Variants in HDAC9 observed in about 807,000 individuals in gnomAD.
The protein encoded by HDAC9 is histone deacetylase 9.
In HDAC9, 41 loss-of-function variants were observed where a neutral mutation model predicts 139.4. The ratio of observed to expected loss-of-function variants is 0.29; its 90% confidence interval spans 0.23 to 0.38. The LOEUF is 0.38. Ranked by LOEUF, HDAC9 falls within the 10% of genes least tolerant of loss-of-function variation. HDAC9 has a pLI of 1.00. For synonymous variants in HDAC9, 517 were observed against 476.2 expected (o/e 1.09, Z -1.12); for missense variants, 1,147 against 1,297.0 (o/e 0.88, Z 1.78).
At chr7:18,967,509 A>ACCCC (rs1563092948) in intron 24 of HDAC9, among the ~76,000 whole-genome samples, 68 of 130,982 alleles carry the variant, frequency 5.2e-4, no homozygotes, top group African/African-American at 1.6e-3. Context: ...CCCCCCCCAA[A>ACCCC]AAAAAAAAAG....
chr7:18,814,845 A>G (rs976717351), intron 17 of HDAC9, among the ~76,000 whole-genome samples: 8 of 152,226 alleles, frequency 5.3e-5, no homozygotes, highest in African/African-American at 1.7e-4. Flanking sequence ...AACTAAAATC[A>G]TCTATCCAAA....
At position 18,411,724 on chromosome 7, in the gene HDAC9, G is replaced by A. The variant is rs189040909; in HGVS notation, c.-41-84538G>A. Among the ~76,000 whole-genome samples the A allele has an allele frequency of 2.4e-3, 370 of 151,630 alleles. 1 individual carries two copies. The highest frequency in any genetic ancestry group is 8.5e-3 in the African/African-American group (351 of 41,344). ...GTTAGATGATTTTGCCCAAATGTAG[G>A]CTAATGTAAGTTTTCTGAAGAAATT... On this transcript the variant is annotated intron_variant, in intron 1 of 3. Coordinates refer to the HDAC9 transcript ENST00000413509.
intron 14 of HDAC9, among the ~76,000 whole-genome samples, chr7:18,758,167 C>T (rs1452589966): frequency 2.0e-5 from 3 of 152,142 alleles, no homozygotes. Context: ...GTTGGTAAGG[C>T]ATTTAAGACC....
chr7:18,734,671 G>T (rs1786721890), intron 13 of HDAC9, among the ~76,000 whole-genome samples: 1 of 152,136 alleles, frequency 6.6e-6, no homozygotes, highest in Non-Finnish European at 1.5e-5. Context: ...GGTCTTTCCT[G>T]TTGTGAATAG....
At chr7:18,712,584 ATAT>A (rs924165581) in intron 12 of HDAC9, among the ~76,000 whole-genome samples, 9 of 152,244 alleles carry the variant, frequency 5.9e-5, no homozygotes, top group African/African-American at 1.9e-4. Flanking sequence ...TTGTGAACAA[ATAT>A]TATGATGATG....
At chr7:18,857,714 A>G (rs1797795302) in intron 21 of HDAC9, among the ~76,000 whole-genome samples, 1 of 152,134 alleles carries the variant, frequency 6.6e-6, no homozygotes, top group African/African-American at 2.4e-5. Flanking sequence ...GAAATCTAGC[A>G]CTTGGCACCT....
At chr7:18,469,604 C>T (rs948968602) in intron 1 of HDAC9, among the ~76,000 whole-genome samples, 6 of 152,110 alleles carry the variant, frequency 3.9e-5, no homozygotes, top group South Asian at 4.1e-4. Context: ...GGGAGCAATT[C>T]ACAAAGTTCC....
rs374857860 is a variant in HDAC9 at position 18,795,436 on chromosome 7, TGGC to T, written c.2322+1985_2322+1987del. On this transcript the variant is annotated intron_variant, in intron 17 of 25. Coordinates refer to ENST00000686413, the MANE Select transcript of HDAC9 (RefSeq NM_178425.4). ...AATTGATAATATTGAAGGTCATCCA[TGGC>T]ACTGGCATTTTGAGCTATTTGCAAA... 3.7e-3 allele frequency among the ~76,000 whole-genome samples: 559 copies of T among 152,236 alleles called. 5 individuals carry two copies. Among genetic ancestry groups the T allele is most frequent in the African/African-American group, 0.013 (536 of 41,542 alleles).
intron 25 of HDAC9, among the ~76,000 whole-genome samples, chr7:18,994,779 C>T (rs1381706203): frequency 2.3e-4 from 35 of 152,090 alleles, no homozygotes; most frequent in Non-Finnish European, 2.9e-5. Context: ...TGTAAAATAA[C>T]ATGGCCAAAC....
At chr7:18,629,323 T>C in intron 6 of HDAC9, 27 bp from the exon 7 acceptor site, 1 of 240,046 alleles carries the variant, frequency 4.2e-6, no homozygotes, top group Non-Finnish European at 6.0e-6. Context: ...TTTTTATCTA[T>C]TTTTTTTTTT....
chr7:18,679,683 T>C (rs1006005722), intron 12 of HDAC9, among the ~76,000 whole-genome samples: 1 of 151,850 alleles, frequency 6.6e-6, no homozygotes, highest in Non-Finnish European at 1.5e-5. Context: ...TTAATTCAGT[T>C]ACTCTTTAAT....
intron 1 of HDAC9, among the ~76,000 whole-genome samples, chr7:18,427,548 G>C (rs1358847830): frequency 6.6e-6 from 1 of 151,446 alleles, no homozygotes; most frequent in Non-Finnish European, 1.5e-5. Context: ...AATCCTATCT[G>C]CTCCACCTCT....
At chr7:18,856,079 A>G (rs934473275) in intron 21 of HDAC9, among the ~76,000 whole-genome samples, 1 of 152,064 alleles carries the variant, frequency 6.6e-6, no homozygotes, top group African/African-American at 2.4e-5. Flanking sequence ...TGGAGCAGAG[A>G]TTTAGTCATG....
Position 18,512,499 on chromosome 7 carries a change from C to CTA in HDAC9, c.22+16177_22+16178dup, listed in dbSNP as rs1366519869. Among the ~76,000 whole-genome samples the CTA allele has an allele frequency of 2.6e-5, 4 of 152,112 alleles. No individual in the cohort carries two copies. The East Asian group carries it at 7.7e-4, about 29-fold the overall frequency. On this transcript the variant is annotated intron_variant, in intron 2 of 25. Coordinates refer to ENST00000686413, the MANE Select transcript of HDAC9 (RefSeq NM_178425.4). Reference sequence around the variant, plus strand: ...AAAACTTGATCAGATTTGAGCGATGCTATGCTCAGGAATAGGAAGACTACA... The same window carrying CTA: ...AAAACTTGATCAGATTTGAGCGATGCTATATGCTCAGGAATAGGAAGACTACA...
intron 13 of HDAC9, among the ~76,000 whole-genome samples, chr7:18,737,067 G>A (rs1025107605): frequency 1.3e-5 from 2 of 152,146 alleles, no homozygotes; most frequent in Non-Finnish European, 2.9e-5. Flanking sequence ...ATTTCTGTGG[G>A]ATTGGTGGTG....
chr7:18,210,351 A>G (rs1349592410), intron 2 of HDAC9, among the ~76,000 whole-genome samples: 1 of 152,226 alleles, frequency 6.6e-6, no homozygotes, highest in Non-Finnish European at 1.5e-5. Context: ...GGCTTTGGAA[A>G]TTTAACACTT....
intron 2 of HDAC9, among the ~76,000 whole-genome samples, chr7:18,524,446 A>G (rs1460580557): frequency 6.6e-6 from 1 of 152,048 alleles, no homozygotes; most frequent in African/African-American, 2.4e-5. Context: ...TGTAGTTGAG[A>G]GGGGTGCTCA....
chr7:18,202,906 T>G (rs1271310158), intron 2 of HDAC9, among the ~76,000 whole-genome samples: 1 of 152,204 alleles, frequency 6.6e-6, no homozygotes, highest in African/African-American at 2.4e-5. Flanking sequence ...TTTGTTTCAG[T>G]TTGCTCATCT....
At chr7:18,982,811 G>A (rs1013586937) in intron 25 of HDAC9, among the ~76,000 whole-genome samples, 1 of 151,962 alleles carries the variant, frequency 6.6e-6, no homozygotes, top group South Asian at 2.1e-4. Flanking sequence ...TGACAATCCG[G>A]AGTTTCTTCA....
Sources: gnomAD v4.1 joint callset for allele counts (sites outside exome capture counted in the v4.1 genomes callset) on GRCh38, gnomAD v4.1.1 for gene constraint, MANE v1.5 for transcripts, NCBI Gene and HGNC (gene_info 2026-07-23, HGNC 2026-07-21) for gene names.